WDPCP: variants seen among roughly 807,000 people sequenced by gnomAD.
WDPCP encodes WD repeat containing planar cell polarity effector, also known as WD repeat-containing and planar cell polarity effector protein fritz homolog.
In WDPCP, 71 loss-of-function variants were observed where a neutral mutation model predicts 93.1. That is an observed-to-expected ratio of 0.76 (90% CI 0.63 to 0.93). The LOEUF is 0.93. WDPCP is among the 40% of genes least tolerant of loss of function. WDPCP has a pLI of 0.00. For synonymous variants in WDPCP, 315 were observed against 315.0 expected (o/e 1.00, Z 0.00); for missense variants, 844 against 887.4 (o/e 0.95, Z 0.62).
At chr2:63,540,060 T>C (rs1028894252) in intron 1 of WDPCP, among the ~76,000 whole-genome samples, 1 of 152,182 alleles carries the variant, frequency 6.6e-6, no homozygotes, top group Non-Finnish European at 1.5e-5. Flanking sequence ...ATTAACTACA[T>C]AGAAACTTTT....
intron 1 of WDPCP, among the ~76,000 whole-genome samples, chr2:63,555,773 T>C (rs1340052432): frequency 6.6e-6 from 1 of 151,600 alleles, no homozygotes; most frequent in African/African-American, 2.4e-5. Flanking sequence ...GTCTGACTGT[T>C]AAAAGAAAAA....
intron 12 of WDPCP, among the ~76,000 whole-genome samples, chr2:63,372,396 C>T (rs1478446844): frequency 6.6e-6 from 1 of 152,062 alleles, no homozygotes; most frequent in Non-Finnish European, 1.5e-5. Flanking sequence ...TCTGTTTTGC[C>T]CTTTGCCATA....
intron 14 of WDPCP, among the ~76,000 whole-genome samples, chr2:63,239,177 A>G (rs139201405): frequency 6.6e-6 from 1 of 152,334 alleles, no homozygotes; most frequent in Non-Finnish European, 1.5e-5. Flanking sequence ...ATAGCAAAAA[A>G]GTATTATAGG....
At chr2:63,776,655 C>CAAAAAAAAAAAAA (rs778768889) in intron 2 of WDPCP, among the ~76,000 whole-genome samples, 2 of 54,016 alleles carry the variant, frequency 3.7e-5, no homozygotes, top group Non-Finnish European at 6.5e-5. Flanking sequence ...GGCCCTGTCT[C>CAAAAAAAAAAAAA]AAAAAAAAAA....
intron 1 of WDPCP, 73 bp downstream of exon 1, chr2:63,588,124 C>A (rs1558851799): frequency 6.6e-7 from 1 of 1,516,700 alleles, no homozygotes; most frequent in African/African-American, 1.4e-5. Context: ...AAAAGCAAAG[C>A]GGGACGGCGC....
chr2:63,441,442 A>AT (rs1697495385), intron 6 of WDPCP: 1 of 151,806 alleles, frequency 6.6e-6, no homozygotes, highest in East Asian at 1.9e-4. Flanking sequence ...TTTTCTATTT[A>AT]TTTTTATCTA....
At chr2:63,798,742 C>A (rs533864133) in intron 2 of WDPCP, among the ~76,000 whole-genome samples, 2 of 151,854 alleles carry the variant, frequency 1.3e-5, no homozygotes, top group Admixed American at 6.6e-5. Context: ...TAACACTGAA[C>A]GTAAATAGAC....
intron 2 of WDPCP, among the ~76,000 whole-genome samples, chr2:63,801,762 C>T (rs1670699504): frequency 6.6e-6 from 1 of 152,128 alleles, no homozygotes; most frequent in Admixed American, 6.5e-5. Context: ...AGGAAAGTTC[C>T]CCAAGTTCCC....
intron 1 of WDPCP, among the ~76,000 whole-genome samples, chr2:63,815,813 G>C (rs757565411): frequency 1.3e-5 from 2 of 152,122 alleles, no homozygotes; most frequent in Non-Finnish European, 2.9e-5. Flanking sequence ...ATAGCTGCAA[G>C]TACTAATAAA....
intron 2 of WDPCP, among the ~76,000 whole-genome samples, chr2:63,807,714 C>T (rs1670790275): frequency 2.0e-5 from 3 of 152,148 alleles, no homozygotes; most frequent in Admixed American, 2.0e-4. Context: ...AAAATCTTAT[C>T]ACAACAATTT....
At chr2:63,263,978 C>T (rs1188111499) in intron 13 of WDPCP, among the ~76,000 whole-genome samples, 2 of 151,918 alleles carry the variant, frequency 1.3e-5, no homozygotes, top group Non-Finnish European at 2.9e-5. Flanking sequence ...GCTAATGAAG[C>T]TTAAGCTTCA....
In WDPCP at chr2:63,373,378, T is replaced by C. The variant is rs145228867; in HGVS notation, c.1748+5008A>G. 9.9e-3 allele frequency among the ~76,000 whole-genome samples: 1,500 copies of C among 151,858 alleles called. 14 individuals are homozygous for C. The highest frequency in any genetic ancestry group is 0.016 in the Non-Finnish European group (1,053 of 67,894). The stretch of plus-strand genomic sequence containing the variant: ...AATCCTCCCATCCCAGCCTTCCAAG[T>C]AGCTGGGACTACAGGCGTGTGCCAC... On this transcript the variant is annotated intron_variant, in intron 12 of 17. Transcript: ENST00000272321.
chr2:63,127,862 T>A (rs1670028117), intron 17 of WDPCP, among the ~76,000 whole-genome samples: 1 of 151,840 alleles, frequency 6.6e-6, no homozygotes, highest in Non-Finnish European at 1.5e-5. Context: ...TTCTGTGGCC[T>A]GGCATGGTGG....
At chr2:63,221,979 T>G (rs1171816748) in intron 14 of WDPCP, among the ~76,000 whole-genome samples, 1 of 151,990 alleles carries the variant, frequency 6.6e-6, no homozygotes, top group Non-Finnish European at 1.5e-5. Context: ...CCATTCTGGG[T>G]TGGATCCTTT....
chr2:63,275,180 A>G (rs1251706281), intron 13 of WDPCP, among the ~76,000 whole-genome samples: 1 of 152,162 alleles, frequency 6.6e-6, no homozygotes, highest in Non-Finnish European at 1.5e-5. Flanking sequence ...AAAAAACAGA[A>G]TGAAGGACAA....
intron 14 of WDPCP, among the ~76,000 whole-genome samples, chr2:63,225,548 G>T (rs540608262): frequency 6.6e-6 from 1 of 151,576 alleles, no homozygotes; most frequent in East Asian, 1.9e-4. Context: ...AAAAGAAATG[G>T]GTATATACAT....
At chr2:63,597,379 A>T in intron 3 of WDPCP, 2 of 1,347,792 alleles carry the variant, frequency 1.5e-6, no homozygotes, top group South Asian at 4.8e-5. Flanking sequence ...AGCTCTGCGT[A>T]TTTATTGCCA....
chr2:63,130,731 A>C (rs1670236724), intron 17 of WDPCP, among the ~76,000 whole-genome samples: 1 of 151,926 alleles, frequency 6.6e-6, no homozygotes. Flanking sequence ...AGTGTTTTTC[A>C]AGTCTTCTGT....
At chr2:63,177,676 C>A (rs1265330194) in intron 14 of WDPCP, among the ~76,000 whole-genome samples, 1 of 152,056 alleles carries the variant, frequency 6.6e-6, no homozygotes, top group East Asian at 1.9e-4. Flanking sequence ...TAACCAGAGA[C>A]AATTTTACTT....
Sources: gnomAD v4.1 joint callset for allele counts (sites outside exome capture counted in the v4.1 genomes callset) on GRCh38, gnomAD v4.1.1 for gene constraint, MANE v1.5 for transcripts, NCBI Gene and HGNC (gene_info 2026-07-23, HGNC 2026-07-21) for gene names.